Variants in CDKN3 observed in about 807,000 individuals in gnomAD.
The protein encoded by CDKN3 is cyclin-dependent kinase inhibitor 3.
In CDKN3, 19 loss-of-function variants were observed where a neutral mutation model predicts 36.1. The observed-to-expected ratio is 0.53, with a 90% CI of 0.37 to 0.77. The LOEUF is 0.77. Ranked by LOEUF, CDKN3 falls within the 30% of genes least tolerant of loss-of-function variation. CDKN3 has a pLI of 0.00. For missense variants in CDKN3, 188 were observed against 248.6 expected, an observed-to-expected ratio of 0.76 and a Z score of 1.64; for synonymous variants, 71 against 85.3, an observed-to-expected ratio of 0.83 and a Z score of 0.92.
rs61756287 is a variant in CDKN3, at chr14:54,411,522, T to G, written c.232T>G (p.Phe78Val). The G allele has an allele frequency of 6.2e-7, 1 of 1,613,992 alleles. No homozygotes were observed. The highest frequency in any genetic ancestry group is 8.5e-7 in the Non-Finnish European group (1 of 1,180,024). Residue 78 changes from phenylalanine (F) to valine (V), a missense_variant, in exon 5 of 8, where the codon TTC becomes GTC. Physicochemically the swap from Phe to Val is conservative, Grantham distance 50 (BLOSUM62 -1). Coordinates refer to ENST00000335183, the MANE Select transcript of CDKN3 (RefSeq NM_005192.4). Reference sequence around the variant, plus strand: ...CTGTGGTATACAAGACATATTTGTTTTCTGCACCAGAGGGGAACTGTCAAA... The same window carrying G: ...CTGTGGTATACAAGACATATTTGTTGTCTGCACCAGAGGGGAACTGTCAAA... Reference protein sequence around the residue: ...KSCGIQDIFVFCTRGELSKYR... With the variant: ...KSCGIQDIFVVCTRGELSKYR...
chr14:54,411,376 G>A, intron 4 of CDKN3, 108 bp from the exon 5 acceptor site: 3 of 756,296 alleles, frequency 4.0e-6, no homozygotes, highest in Admixed American at 2.6e-5. Context: ...TTGTCATTTG[G>A]TATTAGTTTG....
At chr14:54,413,539 A>C (rs1270859268) in intron 5 of CDKN3, 1 of 1,128,364 alleles carries the variant, frequency 8.9e-7, no homozygotes. Flanking sequence ...GTGACTTTGC[A>C]TATGCTGAAT....
chr14:54,416,959 C>G lies in CDKN3; in HGVS notation c.449-889C>G, dbSNP rs73254737. On this transcript the variant is annotated intron_variant, in intron 6 of 7. Transcript: ENST00000335183. ...CAACATCATCAGTCATCAGGAAATG[C>G]AAATCAGAACCACAGTGGATACCAC... 9.3e-3 allele frequency among the ~76,000 whole-genome samples: 1,418 copies of G among 152,232 alleles called. 20 individuals carry two copies. The highest frequency in any genetic ancestry group is 0.032 in the African/African-American group (1,343 of 41,528).
chr14:54,419,803 T>C (rs1418534598), intron 7 of CDKN3, among the ~76,000 whole-genome samples, 189 bp from the exon 8 acceptor site: 2 of 152,226 alleles, frequency 1.3e-5, no homozygotes, highest in Non-Finnish European at 2.9e-5. Flanking sequence ...TGTAGAACAA[T>C]AGTTTTTCAC....
intron 5 of CDKN3, chr14:54,412,822 T>C (rs1379083615): frequency 7.9e-6 from 4 of 505,168 alleles, no homozygotes; most frequent in Admixed American, 4.0e-5. Flanking sequence ...ATAACCTGCT[T>C]AATCCTTTCT....
At chr14:54,418,673 C>G (rs2030629865) in intron 7 of CDKN3, among the ~76,000 whole-genome samples, 1 of 152,224 alleles carries the variant, frequency 6.6e-6, no homozygotes, top group East Asian at 1.9e-4. Flanking sequence ...AGGCAGCTCC[C>G]TAGACTTGAG....
At chr14:54,408,568 A>T in intron 3 of CDKN3, 177 bp from the exon 4 acceptor site, 2 of 723,690 alleles carry the variant, frequency 2.8e-6, no homozygotes, top group South Asian at 4.2e-5. Context: ...CTTAGGATGA[A>T]TCCCTGTAAT....
At chr14:54,398,704 G>A (rs376124047) in intron 1 of CDKN3, among the ~76,000 whole-genome samples, 5 of 152,178 alleles carry the variant, frequency 3.3e-5, no homozygotes, top group Admixed American at 6.5e-5. Context: ...AACAAGGAGT[G>A]TAGAAGTCTT....
At chr14:54,411,199 A>AAG in intron 4 of CDKN3, 2 of 242,130 alleles carry the variant, frequency 8.3e-6, no homozygotes, top group South Asian at 5.6e-5. Flanking sequence ...AAAAAAAAAG[A>AAG]GGGGGGGTTA....
chr14:54,401,979 G>T (rs1252175643), intron 3 of CDKN3, among the ~76,000 whole-genome samples: 1 of 152,158 alleles, frequency 6.6e-6, no homozygotes, highest in African/African-American at 2.4e-5. Context: ...GGAGGCCGAG[G>T]CCGGCAGATC....
chr14:54,411,738 A>T, intron 5 of CDKN3, 32 bp downstream of exon 5: 1 of 1,294,938 alleles, frequency 7.7e-7, no homozygotes, highest in Non-Finnish European at 1.1e-6. Context: ...CTATGTGAGA[A>T]ATGTCTCAGT....
chr14:54,409,667 T>G (rs1374278450), intron 4 of CDKN3, among the ~76,000 whole-genome samples: 1 of 151,938 alleles, frequency 6.6e-6, no homozygotes, highest in Non-Finnish European at 1.5e-5. Context: ...ACCCTGTCTC[T>G]GCAAAAAATA....
Position 54,413,692 on chromosome 14 carries a change from G to A in CDKN3, c.416+1986G>A. On this transcript the variant is annotated intron_variant, in intron 5 of 7. Coordinates refer to ENST00000335183, the MANE Select transcript of CDKN3 (RefSeq NM_005192.4). ...ACCCACACTTCTAGACAGCTATAGA[G>A]CTTATCCTTCAGCAACAGGATCTGG... is the stretch of plus-strand genomic sequence containing the variant. The A allele has an allele frequency of 3.3e-6, 5 of 1,534,680 alleles. No individual in the cohort carries two copies. In the South Asian group the frequency reaches 6.0e-5, roughly 18 times the overall value.
In CDKN3 at chr14:54,401,635, T is replaced by C. The variant is rs145912283; in HGVS notation, c.148+56T>C. ...ATATGTATATATTTTTTAATATATT[T>C]TTATTGCAGTAGCTTTTGGGGGGAC... On this transcript the variant is annotated intron_variant, in intron 3 of 7. Coordinates refer to ENST00000335183, the MANE Select transcript of CDKN3 (RefSeq NM_005192.4). The C allele has an allele frequency of 1.0e-3, 1,194 of 1,190,742 alleles. 10 individuals carry two copies. In the African/African-American group the frequency reaches 0.015, roughly 15 times the overall value. 73.8% of individuals were successfully genotyped at this position (1,190,742 alleles called of 1,614,324 possible).
In CDKN3 at chr14:54,397,022, G is replaced by T; in HGVS notation, c.-47G>T. The T allele has an allele frequency of 6.8e-7, 1 of 1,461,022 alleles. No individual in the cohort carries two copies. The highest frequency in any genetic ancestry group is 1.4e-5 in the South Asian group (1 of 73,378). The allele number at this position is 1,461,022 out of a possible 1,614,324, so 90.5% of individuals were successfully genotyped here. Reference sequence around the variant, plus strand: ...CGGCCGGGGCACCGGTGAGTCGCCGGCGCTGCAGAGGGAGGCGGCACTGGT... The same window carrying T: ...CGGCCGGGGCACCGGTGAGTCGCCGTCGCTGCAGAGGGAGGCGGCACTGGT... On this transcript the variant is annotated 5_prime_UTR_variant, in exon 1 of 8. Coordinates refer to ENST00000335183, the MANE Select transcript of CDKN3 (RefSeq NM_005192.4).
At chr14:54,409,671 A>G (rs2030283686) in intron 4 of CDKN3, among the ~76,000 whole-genome samples, 3 of 151,990 alleles carry the variant, frequency 2.0e-5, no homozygotes, top group African/African-American at 7.2e-5. Context: ...TGTCTCTGCA[A>G]AAAATACAAA....
chr14:54,400,242 G>A (rs868289246), intron 2 of CDKN3, among the ~76,000 whole-genome samples: 1 of 32,734 alleles, frequency 3.1e-5, no homozygotes. Flanking sequence ...CTCTTTATAA[G>A]ACCCTTTTTT....
chr14:54,411,946 A>C, intron 5 of CDKN3: 1 of 570,680 alleles, frequency 1.8e-6, no homozygotes, highest in East Asian at 3.0e-5. Context: ...TGTTAGAACA[A>C]GGTTACAAGC....
chr14:54,400,022 C>T (rs1214114132), intron 2 of CDKN3, 46 bp downstream of exon 2: 1 of 881,938 alleles, frequency 1.1e-6, no homozygotes, highest in Admixed American at 1.8e-5. Flanking sequence ...TCACAATCTA[C>T]ATCATAAATG....
Sources: gnomAD v4.1 joint callset for allele counts (sites outside exome capture counted in the v4.1 genomes callset) on GRCh38, gnomAD v4.1.1 for gene constraint, MANE v1.5 for transcripts, NCBI Gene and HGNC (gene_info 2026-07-23, HGNC 2026-07-21) for gene names.